MACROD2: variants seen among roughly 807,000 people sequenced by gnomAD.
MACROD2 encodes the protein ADP-ribose glycohydrolase MACROD2.
A neutral mutation model predicts 70.4 loss-of-function variants in MACROD2; 36 were observed. The observed-to-expected ratio is 0.51, with a 90% confidence interval of 0.39 to 0.68. The LOEUF (loss-of-function observed/expected upper bound fraction) is 0.68, where lower values mean the gene tolerates loss of function less well. MACROD2 is among the 30% of genes least tolerant of loss of function. The pLI, the probability that MACROD2 is intolerant of heterozygous loss-of-function variation, is 0.00. For missense variants in MACROD2, 496 were observed against 538.4 expected, an observed-to-expected ratio of 0.92 and a Z score of 0.78; for synonymous variants, 172 against 178.8, an observed-to-expected ratio of 0.96 and a Z score of 0.30.
intron 6 of MACROD2, among the ~76,000 whole-genome samples, chr20:15,239,663 A>G (rs2077043653): frequency 6.6e-6 from 1 of 152,200 alleles, no homozygotes; most frequent in South Asian, 2.1e-4. Flanking sequence ...CCAGTATACT[A>G]GCAGGTAAGC....
intron 3 of MACROD2, among the ~76,000 whole-genome samples, chr20:14,342,739 A>G (rs748860295): frequency 1.9e-4 from 29 of 152,342 alleles, no homozygotes; most frequent in Admixed American, 3.9e-4. Context: ...ATTAGTCAAC[A>G]CTTAAAATGT....
intron 6 of MACROD2, among the ~76,000 whole-genome samples, chr20:15,282,636 A>G (rs1229637879): frequency 1.3e-5 from 2 of 152,068 alleles, no homozygotes; most frequent in African/African-American, 4.8e-5. Context: ...ACTCATTTCC[A>G]CCTCAGCCTG....
At chr20:14,896,881 A>G (rs992319229) in intron 5 of MACROD2, among the ~76,000 whole-genome samples, 2 of 152,214 alleles carry the variant, frequency 1.3e-5, no homozygotes, top group Non-Finnish European at 2.9e-5. Flanking sequence ...ATTTGTCTAC[A>G]GTAACCAGGT....
chr20:14,178,652 C>T (rs375080118), intron 3 of MACROD2, among the ~76,000 whole-genome samples: 3 of 150,474 alleles, frequency 2.0e-5, no homozygotes, highest in Non-Finnish European at 1.5e-5. Flanking sequence ...CTTTTTTGTA[C>T]GGCTTTGACT....
intron 3 of MACROD2, among the ~76,000 whole-genome samples, chr20:14,214,706 G>A (rs1194104235): frequency 2.7e-5 from 4 of 150,102 alleles, no homozygotes; most frequent in South Asian, 2.1e-4. Flanking sequence ...CCCGTCACCC[G>A]AGCAGCATAT....
chr20:14,860,921 G>C (rs2122355443), intron 5 of MACROD2, among the ~76,000 whole-genome samples: 1 of 151,736 alleles, frequency 6.6e-6, no homozygotes, highest in Non-Finnish European at 1.5e-5. Flanking sequence ...TGAATTAGAT[G>C]GTCTCCATCT....
chr20:15,038,908 G>A (rs928492989), intron 5 of MACROD2, among the ~76,000 whole-genome samples: 8 of 152,092 alleles, frequency 5.3e-5, no homozygotes, highest in African/African-American at 1.7e-4. Flanking sequence ...CAAATATACC[G>A]GCAAAGAATG....
intron 3 of MACROD2, among the ~76,000 whole-genome samples, chr20:14,215,782 C>T (rs969777215): frequency 6.6e-6 from 1 of 152,076 alleles, no homozygotes; most frequent in Non-Finnish European, 1.5e-5. Context: ...AGCATTTTTT[C>T]ATATGTTTGT....
At chr20:14,190,951 C>T (rs879708300) in intron 3 of MACROD2, among the ~76,000 whole-genome samples, 15 of 151,736 alleles carry the variant, frequency 9.9e-5, no homozygotes, top group Admixed American at 3.3e-4. Flanking sequence ...TCATGATCCG[C>T]CCGCCTCGGC....
chr20:15,984,668 C>T (rs1338336331), intron 13 of MACROD2, among the ~76,000 whole-genome samples: 1 of 136,708 alleles, frequency 7.3e-6, no homozygotes, highest in Non-Finnish European at 1.5e-5. Flanking sequence ...AGCGAACTTT[C>T]TTTATGTCTT....
chr20:14,831,704 G>A lies in MACROD2; in HGVS notation c.418+146745G>A, dbSNP rs192004994. ...CTGAGGCAGGAGAATCGCTTGAACC[G>A]GGAAGGCGGAGGTTGCAGTGAGCTG... On this transcript the variant is annotated intron_variant, in intron 5 of 17. Transcript: ENST00000684519. 3.3e-4 allele frequency among the ~76,000 whole-genome samples: 49 copies of A among 147,126 alleles called. No homozygotes were observed. The East Asian group carries it at 9.8e-3, about 29-fold the overall frequency.
intron 2 of MACROD2, among the ~76,000 whole-genome samples, chr20:14,035,409 T>A (rs184617748): frequency 6.6e-6 from 1 of 152,332 alleles, no homozygotes; most frequent in African/African-American, 2.4e-5. Context: ...AAGGTAAAGA[T>A]ACCTAACTTT....
intron 5 of MACROD2, among the ~76,000 whole-genome samples, chr20:15,021,090 GTGTATGTGTATA>G (rs1568534483): frequency 1.6e-5 from 2 of 122,784 alleles, no homozygotes; most frequent in African/African-American, 3.5e-5. Flanking sequence ...GTGTATACAC[GTGTATGTGTATA>G]CACGTGTATG....
At chr20:15,916,883 G>A (rs546139332) in intron 10 of MACROD2, among the ~76,000 whole-genome samples, 8 of 152,258 alleles carry the variant, frequency 5.3e-5, no homozygotes, top group Admixed American at 4.6e-4. Context: ...CTGCTATTTC[G>A]TCAGGTCTCC....
chr20:15,192,865 A>C (rs191104953), intron 5 of MACROD2, among the ~76,000 whole-genome samples: 1 of 152,320 alleles, frequency 6.6e-6, no homozygotes, highest in African/African-American at 2.4e-5. Context: ...AATATTTAAA[A>C]ACCTTTTAGA....
intron 5 of MACROD2, among the ~76,000 whole-genome samples, chr20:14,937,288 G>A (rs1178396752): frequency 6.6e-6 from 1 of 152,052 alleles, no homozygotes; most frequent in Admixed American, 6.6e-5. Flanking sequence ...GGGTGAGTGT[G>A]CAGGCAGAGG....
chr20:15,788,540 G>A (rs1045481488), intron 8 of MACROD2, among the ~76,000 whole-genome samples: 3 of 152,220 alleles, frequency 2.0e-5, no homozygotes, highest in African/African-American at 7.2e-5. Flanking sequence ...GTTAGTTTAT[G>A]TAGTGAAGGT....
intron 3 of MACROD2, among the ~76,000 whole-genome samples, chr20:14,142,394 T>G (rs1039507771): frequency 6.6e-6 from 1 of 152,178 alleles, no homozygotes; most frequent in Non-Finnish European, 1.5e-5. Flanking sequence ...GTTTTTCAGC[T>G]TGGCGCTTTA....
intron 6 of MACROD2, among the ~76,000 whole-genome samples, chr20:15,253,959 T>G (rs1025629053): frequency 6.6e-6 from 1 of 152,170 alleles, no homozygotes; most frequent in Non-Finnish European, 1.5e-5. Context: ...TCTTCAAATT[T>G]TATAGGTCTC....
Sources: gnomAD v4.1 joint callset for allele counts (sites outside exome capture counted in the v4.1 genomes callset) on GRCh38, gnomAD v4.1.1 for gene constraint, MANE v1.5 for transcripts, NCBI Gene and HGNC (gene_info 2026-07-23, HGNC 2026-07-21) for gene names.